CNTNAP2: variants seen among roughly 807,000 people sequenced by gnomAD.
The protein encoded by CNTNAP2 is contactin associated protein 2.
CNTNAP2 carries 98 observed loss-of-function variants against 155.2 expected under a neutral mutation model. That is an observed-to-expected ratio of 0.63 (90% CI 0.54 to 0.75). CNTNAP2 has a LOEUF of 0.75. CNTNAP2 is among the 30% of genes least tolerant of loss of function. The pLI is 0.00. For synonymous variants in CNTNAP2, 651 were observed against 631.2 expected (o/e 1.03, Z -0.47); for missense variants, 1,727 against 1,688.1 (o/e 1.02, Z -0.40).
chr7:148,266,601 AGT>A (rs35356181), intron 20 of CNTNAP2, among the ~76,000 whole-genome samples: 3 of 151,494 alleles, frequency 2.0e-5, no homozygotes, highest in African/African-American at 7.3e-5. Context: ...TCAGCATTTG[AGT>A]GTGTGTGTGT....
intron 10 of CNTNAP2, among the ~76,000 whole-genome samples, chr7:147,443,638 A>T (rs903543771): frequency 2.0e-5 from 3 of 152,002 alleles, no homozygotes; most frequent in Non-Finnish European, 4.4e-5. Context: ...AATTTGTAAC[A>T]TTTTTTTAGC....
At chr7:147,028,284 C>G (rs1341486459) in intron 3 of CNTNAP2, among the ~76,000 whole-genome samples, 2 of 152,096 alleles carry the variant, frequency 1.3e-5, no homozygotes, top group Non-Finnish European at 2.9e-5. Flanking sequence ...GAGCTTCTAT[C>G]CTTGAAAGTT....
intron 1 of CNTNAP2, among the ~76,000 whole-genome samples, chr7:146,618,793 G>C (rs1363022449): frequency 6.6e-6 from 1 of 152,156 alleles, no homozygotes; most frequent in South Asian, 2.1e-4. Context: ...AATATGGCTG[G>C]GCATGGTGGC....
chr7:146,634,151 G>A (rs1799558504), intron 1 of CNTNAP2, among the ~76,000 whole-genome samples: 2 of 152,104 alleles, frequency 1.3e-5, no homozygotes, highest in Non-Finnish European at 2.9e-5. Context: ...TGCCAATTAT[G>A]TACAAAGACT....
chr7:146,849,108 A>G (rs1213439401), intron 3 of CNTNAP2, among the ~76,000 whole-genome samples: 1 of 152,144 alleles, frequency 6.6e-6, no homozygotes, highest in Non-Finnish European at 1.5e-5. Flanking sequence ...AATAAAAAAA[A>G]CTCTGAAATT....
intron 13 of CNTNAP2, among the ~76,000 whole-genome samples, chr7:147,717,991 T>C (rs1237973151): frequency 1.3e-5 from 2 of 152,068 alleles, no homozygotes; most frequent in Non-Finnish European, 2.9e-5. Flanking sequence ...ATATACTTTA[T>C]TATATCTAAT....
At chr7:148,273,143 G>T (rs138979713) in intron 21 of CNTNAP2, among the ~76,000 whole-genome samples, 1 of 152,304 alleles carries the variant, frequency 6.6e-6, no homozygotes, top group African/African-American at 2.4e-5. Flanking sequence ...TTCAACAAAG[G>T]CTAAACGGAA....
At chr7:147,218,139 G>A (rs1287101251) in intron 8 of CNTNAP2, among the ~76,000 whole-genome samples, 1 of 151,390 alleles carries the variant, frequency 6.6e-6, no homozygotes, top group East Asian at 1.9e-4. Flanking sequence ...CAATTGCATT[G>A]GTTTCTTCTC....
At chr7:147,804,838 G>A (rs1189166787) in intron 13 of CNTNAP2, among the ~76,000 whole-genome samples, 1 of 152,116 alleles carries the variant, frequency 6.6e-6, no homozygotes, top group African/African-American at 2.4e-5. Context: ...ACAGGCATGA[G>A]CCACCCAGCC....
rs794726938 is a variant in CNTNAP2, at chr7:146,116,973, C to G, written c.97C>G (p.Gln33Glu). Residue 33 changes from glutamine to glutamate, a missense_variant and splice_region_variant, in exon 1 of 24, where the codon CAA becomes GAA. Transcript: ENST00000361727. The surrounding 1 kb of genome is among the most constrained non-coding windows in gnomAD (Gnocchi z 5.5). ...CRAWTAPSTSQKCDEPLVSGL... is the reference protein window; with the variant it reads ...CRAWTAPSTSEKCDEPLVSGL... ...AGCCTGGACGGCTCCCTCCACGTCC[C>G]GTAAGTAGCCGTCTCCTCGCTCTGC... is the stretch of plus-strand genomic sequence containing the variant. 7 of 1,550,144 alleles carry G rather than the reference C, an allele frequency of 4.5e-6. No homozygotes were observed. Among genetic ancestry groups the G allele is most frequent in the African/African-American group, 1.4e-5 (1 of 73,072 alleles).
intron 15 of CNTNAP2, among the ~76,000 whole-genome samples, chr7:148,092,481 T>A (rs1803864197): frequency 1.3e-5 from 2 of 152,204 alleles, no homozygotes; most frequent in African/African-American, 4.8e-5. Context: ...ATTGGGACCA[T>A]GGATCAAATG....
In CNTNAP2 at chr7:146,394,118, A is replaced by T. The variant is rs149711960; in HGVS notation, c.97+277145A>T. On this transcript the variant is annotated intron_variant, in intron 1 of 23. Transcript: ENST00000361727. ...GGCAATTTGTGTTTGGAAGAATGAGATTTAGAGCCAGGGTTAGTACACCAT... is the reference window on the plus strand; with the variant it reads ...GGCAATTTGTGTTTGGAAGAATGAGTTTTAGAGCCAGGGTTAGTACACCAT... 3.1e-3 allele frequency among the ~76,000 whole-genome samples: 472 copies of T among 152,212 alleles called. 2 individuals carry two copies. Among genetic ancestry groups the T allele is most frequent in the African/African-American group, 0.011 (456 of 41,540 alleles).
At chr7:146,583,627 A>C (rs187502849) in intron 1 of CNTNAP2, among the ~76,000 whole-genome samples, 1 of 152,304 alleles carries the variant, frequency 6.6e-6, no homozygotes, top group Admixed American at 6.5e-5. Context: ...TACATAGTTT[A>C]AATCAGTTCT....
At chr7:147,444,370 A>C (rs1371156521) in intron 10 of CNTNAP2, among the ~76,000 whole-genome samples, 1 of 152,176 alleles carries the variant, frequency 6.6e-6, no homozygotes, top group Admixed American at 6.5e-5. Context: ...TTTTCTGTAA[A>C]CACCTATCCT....
At position 147,120,918 on chromosome 7, in the gene CNTNAP2, T is replaced by C. The variant is rs1801097790; in HGVS notation, c.755-61T>C. ...TAGGTGCTGTAAATGAAAGATCTTC[T>C]GCTTCACAGAGTTGGCCATAGCATC... is the stretch of plus-strand genomic sequence containing the variant. On this transcript the variant is annotated intron_variant, in intron 5 of 23. Transcript: ENST00000361727. The C allele has an allele frequency of 2.7e-6, 4 of 1,486,798 alleles. No homozygotes were observed. In the African/African-American group the frequency reaches 5.5e-5, roughly 21 times the overall value. The allele number at this position is 1,486,798 out of a possible 1,614,324, so 92.1% of individuals were successfully genotyped here. A position where few individuals can be genotyped will look rare whatever the true frequency, so the allele number is the denominator to read the frequency against.
chr7:148,177,343 T>G (rs995058550), intron 18 of CNTNAP2, among the ~76,000 whole-genome samples: 1 of 152,110 alleles, frequency 6.6e-6, no homozygotes, highest in Non-Finnish European at 1.5e-5. Context: ...AGGAAAGCCA[T>G]GTGAAGACGG....
chr7:148,399,628 T>C (rs895726877), intron 22 of CNTNAP2, among the ~76,000 whole-genome samples: 23 of 152,190 alleles, frequency 1.5e-4, no homozygotes, highest in African/African-American at 4.1e-4. Context: ...TGTTTTTTCC[T>C]AAACTGTAAT....
intron 1 of CNTNAP2, among the ~76,000 whole-genome samples, chr7:146,228,739 A>C (rs548446124): frequency 6.6e-6 from 1 of 152,290 alleles, no homozygotes; most frequent in East Asian, 1.9e-4. Context: ...GCTCTATTCT[A>C]TAAATAATGA....
chr7:147,976,217 A>C (rs1801424001), intron 14 of CNTNAP2, among the ~76,000 whole-genome samples: 1 of 152,200 alleles, frequency 6.6e-6, no homozygotes. Flanking sequence ...GCTCTGATTT[A>C]GAGTCATGTA....
Sources: allele counts gnomAD v4.1 joint callset (sites outside exome capture counted in the v4.1 genomes callset), GRCh38; gene constraint gnomAD v4.1.1; non-coding constraint Gnocchi (gnomAD v3.1); transcripts MANE v1.5; gene names NCBI Gene and HGNC (gene_info 2026-07-23, HGNC 2026-07-21).